Variants in ABCA6 observed in about 807,000 individuals in gnomAD.
ABCA6 encodes the protein ATP-binding cassette sub-family A member 6.
In ABCA6, 164 loss-of-function variants were observed where a neutral mutation model predicts 191.2. That is an observed-to-expected ratio of 0.86 (90% CI 0.76 to 0.98). ABCA6 has a LOEUF of 0.98. Among genes scored for constraint, ABCA6 ranks in the 50% least tolerant of loss-of-function variants. The pLI, the probability that ABCA6 is intolerant of heterozygous loss-of-function variation, is 0.00. For synonymous variants in ABCA6, 636 were observed against 647.7 expected (o/e 0.98, Z 0.27); for missense variants, 1,958 against 1,894.1 (o/e 1.03, Z -0.63).
intron 34 of ABCA6, 145 bp downstream of exon 34, chr17:69,084,112 CTGGT>C: frequency 1.5e-6 from 1 of 685,682 alleles, no homozygotes. Context: ...AGATCATCTA[CTGGT>C]TAAATATTTG....
intron 6 of ABCA6, 27 bp from the exon 7 acceptor site, chr17:69,129,778 ATTATG>A (rs2073829756): frequency 6.6e-7 from 1 of 1,521,806 alleles, no homozygotes; most frequent in Non-Finnish European, 8.9e-7. Context: ...AGTTATATAA[ATTATG>A]TTAACTTATT....
chr17:69,128,629 C>G lies in ABCA6; in HGVS notation c.1109G>C (p.Gly370Ala). 1.2e-6 allele frequency: 2 copies of G among 1,610,274 alleles called. No individual in the cohort carries two copies. The highest frequency in any genetic ancestry group is 1.7e-6 in the Non-Finnish European group (2 of 1,177,990). The change falls in exon 8 of 39, where the codon GGA becomes GCA. Residue 370 changes from glycine to alanine, a missense_variant. Physicochemically the swap from Gly to Ala is moderately conservative, Grantham distance 60. Transcript: ENST00000284425. ...NICSPFAFTTGMIQIIKLDYN... is the reference protein window; with the variant it reads ...NICSPFAFTTAMIQIIKLDYN... Reference sequence around the variant, plus strand: ...TAACTAGGCTCTTACCTGAATCATTCCAGTAGTAAAGGCAAAAGGGCTACA... The same window carrying G: ...TAACTAGGCTCTTACCTGAATCATTGCAGTAGTAAAGGCAAAAGGGCTACA...
chr17:69,084,890 C>A, intron 32 of ABCA6, 138 bp downstream of exon 32: 1 of 1,033,418 alleles, frequency 9.7e-7, no homozygotes. Context: ...GGTCTTGTCC[C>A]TCATCCCTGC....
intron 18 of ABCA6, among the ~76,000 whole-genome samples, chr17:69,107,456 G>C (rs190810689): frequency 1.4e-4 from 22 of 152,202 alleles, no homozygotes; most frequent in African/African-American, 5.3e-4. Context: ...TAAGAAGCAG[G>C]GAACATCTGA....
At chr17:69,088,997 A>C (rs1188639937) in intron 27 of ABCA6, among the ~76,000 whole-genome samples, 1 of 152,164 alleles carries the variant, frequency 6.6e-6, no homozygotes, top group East Asian at 1.9e-4. Context: ...TTCCACCAGA[A>C]TATAAGCTCC....
chr17:69,105,720 G>T, intron 19 of ABCA6, 92 bp from the exon 20 acceptor site: 2 of 987,672 alleles, frequency 2.0e-6, no homozygotes, highest in East Asian at 2.6e-5. Flanking sequence ...TGCCAAGCCT[G>T]CCTTATGCCA....
rs1256347421 is a variant in ABCA6 at position 69,133,852 on chromosome 17, G to A, written c.580C>T (p.Pro194Ser). 2 of 1,595,420 alleles carry A rather than the reference G, an allele frequency of 1.3e-6. No homozygotes were observed. The highest frequency in any genetic ancestry group is 3.5e-5 in the Admixed American group (2 of 57,426). The part of the protein sequence containing the change: ...TAIIEITTNH[P>S]VMEELMSVTA... ...ACTGACATCAACTCCTCCATCACAGGGTGATTGGTTGTGATCTAAAGTAGA... is the reference window on the plus strand; with the variant it reads ...ACTGACATCAACTCCTCCATCACAGAGTGATTGGTTGTGATCTAAAGTAGA... The change falls in exon 6 of 39, where the codon CCT becomes TCT. Residue 194 changes from proline (P) to serine (S), a missense_variant. Pro to Ser is a moderately conservative substitution (Grantham distance 74). Coordinates refer to ENST00000284425, the MANE Select transcript of ABCA6 (RefSeq NM_080284.3).
intron 20 of ABCA6, among the ~76,000 whole-genome samples, chr17:69,103,222 C>A (rs2073219737): frequency 1.3e-5 from 2 of 152,042 alleles, no homozygotes; most frequent in Admixed American, 6.6e-5. Context: ...TAAGCTAATT[C>A]TATTGTATGA....
intron 37 of ABCA6, 106 bp downstream of exon 37, chr17:69,080,960 C>T (rs2072616014): frequency 1.5e-6 from 1 of 655,144 alleles, no homozygotes; most frequent in Non-Finnish European, 2.6e-6. Context: ...AAATCATGCC[C>T]TACAGCCCTA....
At chr17:69,120,058 C>T (rs1412733107) in intron 10 of ABCA6, among the ~76,000 whole-genome samples, 1 of 151,922 alleles carries the variant, frequency 6.6e-6, no homozygotes, top group Non-Finnish European at 1.5e-5. Flanking sequence ...CAAAAACACA[C>T]AGAGCTATAT....
At chr17:69,112,577 C>A (rs115177424) in intron 15 of ABCA6, 1 of 265,292 alleles carries the variant, frequency 3.8e-6, no homozygotes, top group East Asian at 8.8e-5. Context: ...ACTGCATGTT[C>A]TCATTTATCA....
intron 4 of ABCA6, 191 bp downstream of exon 4, chr17:69,135,901 G>T (rs2073938468): frequency 3.3e-6 from 2 of 606,538 alleles, no homozygotes; most frequent in Non-Finnish European, 5.8e-6. Context: ...ATATATGTTG[G>T]ATGACTCTAC....
chr17:69,098,645 A>AAG (rs1208782884), intron 22 of ABCA6: 8 of 151,556 alleles, frequency 5.3e-5, no homozygotes, highest in Non-Finnish European at 1.2e-4. Context: ...AAAAAAAAAA[A>AAG]AAGAAGGAAA....
intron 16 of ABCA6, 144 bp downstream of exon 16, chr17:69,112,039 A>G (rs542367327): frequency 1.9e-5 from 12 of 632,088 alleles, no homozygotes; most frequent in Admixed American, 1.8e-4. Context: ...GAGGAAGGAA[A>G]GTAAAAAAAA....
At chr17:69,085,230 T>G in intron 31 of ABCA6, 48 bp from the exon 32 acceptor site, 6 of 1,540,042 alleles carry the variant, frequency 3.9e-6, no homozygotes, top group Non-Finnish European at 3.5e-6. Flanking sequence ...TTTATTCCAA[T>G]AGCGTAATTA....
At chr17:69,093,071 AT>A (rs2144628379) in intron 25 of ABCA6, among the ~76,000 whole-genome samples, 1 of 152,242 alleles carries the variant, frequency 6.6e-6, no homozygotes, top group East Asian at 1.9e-4. Flanking sequence ...ACTGTCTCAT[AT>A]TTTTTAACAT....
intron 29 of ABCA6, 122 bp from the exon 30 acceptor site, chr17:69,086,857 C>T (rs1177755584): frequency 1.6e-6 from 1 of 615,772 alleles, no homozygotes; most frequent in African/African-American, 1.9e-5. Flanking sequence ...ATTCATGCTG[C>T]TAAATGTAAT....
intron 6 of ABCA6, among the ~76,000 whole-genome samples, chr17:69,130,131 C>A (rs1170849506): frequency 6.6e-6 from 1 of 151,920 alleles, no homozygotes; most frequent in Admixed American, 6.6e-5. Flanking sequence ...GCCCGACCAA[C>A]ATGGTGAAAC....
intron 10 of ABCA6, among the ~76,000 whole-genome samples, chr17:69,120,038 T>C (rs775897616): frequency 2.6e-5 from 4 of 152,090 alleles, no homozygotes; most frequent in Admixed American, 6.6e-5. Flanking sequence ...ATACCATTTA[T>C]AGATTATATC....
Sources: gnomAD v4.1 joint callset for allele counts (sites outside exome capture counted in the v4.1 genomes callset) on GRCh38, gnomAD v4.1.1 for gene constraint, MANE v1.5 for transcripts, NCBI Gene and HGNC (gene_info 2026-07-23, HGNC 2026-07-21) for gene names.